Variants in MEOX2 observed in about 807,000 individuals in gnomAD.
MEOX2 encodes homeobox protein MOX-2.
Under a neutral mutation model 27.0 loss-of-function variants are expected in MEOX2, and 11 were observed. The observed-to-expected ratio is 0.41, with a 90% confidence interval of 0.26 to 0.68. MEOX2 has a LOEUF of 0.68. Among genes scored for constraint, MEOX2 ranks in the 30% least tolerant of loss-of-function variants. The pLI is 0.33. For missense variants in MEOX2, 436 were observed against 385.4 expected (o/e 1.13, Z -1.10); for synonymous variants, 189 against 155.4 (o/e 1.22, Z -1.61).
chr7:15,664,702 T>C (rs1583780950), intron 1 of MEOX2, among the ~76,000 whole-genome samples: 2 of 152,206 alleles, frequency 1.3e-5, no homozygotes, highest in East Asian at 1.9e-4. Flanking sequence ...ACGTCCTATG[T>C]TCCCACAAAT....
chr7:15,653,439 C>T (rs970269154), intron 1 of MEOX2, among the ~76,000 whole-genome samples: 3 of 151,954 alleles, frequency 2.0e-5, no homozygotes, highest in African/African-American at 7.2e-5. Context: ...GTCTTTTCAT[C>T]CTCTTAACAG....
intron 1 of MEOX2, among the ~76,000 whole-genome samples, chr7:15,670,058 C>A (rs550521527): frequency 9.2e-5 from 14 of 152,108 alleles, no homozygotes; most frequent in Non-Finnish European, 1.8e-4. Context: ...TGTTTGCTTT[C>A]CTGCTTCCAA....
chr7:15,649,194 T>G (rs1261567030), intron 1 of MEOX2, among the ~76,000 whole-genome samples: 1 of 152,110 alleles, frequency 6.6e-6, no homozygotes, highest in African/African-American at 2.4e-5. Context: ...AACTACCACA[T>G]GAATTCCACT....
At chr7:15,637,330 G>T (rs1365551858) in intron 1 of MEOX2, among the ~76,000 whole-genome samples, 2 of 151,904 alleles carry the variant, frequency 1.3e-5, no homozygotes, top group Non-Finnish European at 2.9e-5. Flanking sequence ...TACGTCATAG[G>T]TTACATCTTA....
intron 1 of MEOX2, among the ~76,000 whole-genome samples, chr7:15,645,805 G>T (rs1781637422): frequency 6.6e-6 from 1 of 152,092 alleles, no homozygotes; most frequent in South Asian, 2.1e-4. Context: ...GAAGGGAAAT[G>T]ATCACGGAAA....
chr7:15,685,986 C>A lies in MEOX2; in HGVS notation c.417G>T (p.Pro139=), dbSNP rs764582682. The A allele has an allele frequency of 1.1e-5, 18 of 1,610,144 alleles. No homozygotes were observed. The East Asian group carries it at 2.7e-4, about 24-fold the overall frequency. ...CCCCCGGCGCGCACGCGGCCCCAGT[C>A]GGGGTGCTGGAGCCCAAGCTGGAAG... ...SNSSSLGSST[P]TGAACAPGDY... The change falls in exon 1 of 3, where the codon CCG becomes CCT. Residue 139 remains proline (P), a synonymous_variant. Transcript: ENST00000262041.
chr7:15,644,709 A>G (rs1781616378), intron 1 of MEOX2, among the ~76,000 whole-genome samples: 1 of 152,190 alleles, frequency 6.6e-6, no homozygotes, highest in Non-Finnish European at 1.5e-5. Flanking sequence ...GATTTTTTCT[A>G]TTGTCAATTA....
intron 2 of MEOX2, among the ~76,000 whole-genome samples, chr7:15,622,951 A>G (rs879944967): frequency 6.6e-6 from 1 of 152,094 alleles, no homozygotes; most frequent in Non-Finnish European, 1.5e-5. Context: ...GGAAAAATGG[A>G]AGTCTATGAA....
chr7:15,654,218 A>G (rs1781785423), intron 1 of MEOX2, among the ~76,000 whole-genome samples: 1 of 152,078 alleles, frequency 6.6e-6, no homozygotes, highest in South Asian at 2.1e-4. Context: ...GCCAGTTAAC[A>G]GAAATAAAAT....
At chr7:15,613,938 T>C (rs753691250) in intron 2 of MEOX2, among the ~76,000 whole-genome samples, 21 of 152,194 alleles carry the variant, frequency 1.4e-4, no homozygotes, top group African/African-American at 2.6e-4. Flanking sequence ...ACTGCAGTTA[T>C]ATGGCTGCTG....
chr7:15,672,253 G>A (rs577447333), intron 1 of MEOX2, among the ~76,000 whole-genome samples: 1 of 152,080 alleles, frequency 6.6e-6, no homozygotes, highest in South Asian at 2.1e-4. Context: ...ATGATTCCAT[G>A]TTTTATTTAA....
intron 1 of MEOX2, among the ~76,000 whole-genome samples, chr7:15,653,010 G>C (rs1707602837): frequency 6.6e-6 from 1 of 152,020 alleles, no homozygotes. Context: ...CAACTGGTGA[G>C]TCATATGATA....
At chr7:15,615,880 C>G (rs1781116500) in intron 2 of MEOX2, among the ~76,000 whole-genome samples, 1 of 151,750 alleles carries the variant, frequency 6.6e-6, no homozygotes. Context: ...TTTAAAAATC[C>G]ACATATATTT....
chr7:15,619,247 A>T (rs1437614725), intron 2 of MEOX2, among the ~76,000 whole-genome samples: 1 of 152,036 alleles, frequency 6.6e-6, no homozygotes, highest in Non-Finnish European at 1.5e-5. Flanking sequence ...TTTTTTTAAC[A>T]TGAATAAAAC....
At position 15,655,770 on chromosome 7, in the gene MEOX2, G is replaced by A. The variant is rs558161569; in HGVS notation, c.518-28852C>T. 1.7e-4 allele frequency among the ~76,000 whole-genome samples: 26 copies of A among 151,792 alleles called. No individual in the cohort carries two copies. The South Asian group carries it at 5.2e-3, about 30-fold the overall frequency. On this transcript the variant is annotated intron_variant, in intron 1 of 2. Coordinates refer to ENST00000262041, the MANE Select transcript of MEOX2 (RefSeq NM_005924.5). The stretch of plus-strand genomic sequence containing the variant: ...TTGTTAAGATTTGTTTTATAGTTCA[G>A]GTTATGGTGTACCTTGATATATACT...
intron 2 of MEOX2, 143 bp downstream of exon 2, chr7:15,626,603 G>A (rs1042527664): frequency 6.0e-6 from 3 of 497,526 alleles, no homozygotes; most frequent in Non-Finnish European, 7.0e-6. Context: ...TTATTTTGCT[G>A]GCAAAATTTT....
At chr7:15,621,681 G>T (rs1478948753) in intron 2 of MEOX2, among the ~76,000 whole-genome samples, 1 of 152,198 alleles carries the variant, frequency 6.6e-6, no homozygotes, top group African/African-American at 2.4e-5. Flanking sequence ...TATAAGTAAG[G>T]TAGGGGTAGC....
At chr7:15,666,483 G>A (rs1158657030) in intron 1 of MEOX2, among the ~76,000 whole-genome samples, 6 of 152,018 alleles carry the variant, frequency 3.9e-5, no homozygotes, top group African/African-American at 1.2e-4. Context: ...GCCGGCTGAG[G>A]TGGCTCATGC....
chr7:15,627,036 T>C (rs931162818), intron 1 of MEOX2, 118 bp from the exon 2 acceptor site: 7 of 943,462 alleles, frequency 7.4e-6, no homozygotes, highest in East Asian at 2.5e-5. Flanking sequence ...ATGGAACAAA[T>C]AGAGACCAAA....
Sources: gnomAD v4.1 joint callset for allele counts (sites outside exome capture counted in the v4.1 genomes callset) on GRCh38, gnomAD v4.1.1 for gene constraint, MANE v1.5 for transcripts, NCBI Gene and HGNC (gene_info 2026-07-23, HGNC 2026-07-21) for gene names.